The following KLHL33 variants were observed in gnomAD, a reference collection of about 807,000 sequenced individuals.
KLHL33 encodes kelch like family member 33.
Under a neutral mutation model 60.8 loss-of-function variants are expected in KLHL33, and 46 were observed. That is an observed-to-expected ratio of 0.76 (90% CI 0.60 to 0.97). The LOEUF is 0.97. Among genes scored for constraint, KLHL33 ranks in the 50% least tolerant of loss-of-function variants. The probability of loss-of-function intolerance (pLI) is 0.00; values close to 1 mark genes in which losing one functional copy is unlikely to be tolerated. For synonymous variants in KLHL33, 434 were observed against 432.2 expected, an observed-to-expected ratio of 1.00 and a Z score of -0.05; for missense variants, 1,055 against 1,000.0, an observed-to-expected ratio of 1.05 and a Z score of -0.74.
Position 20,427,564 on chromosome 14 carries a change from C to T in KLHL33, c.*1285G>A, listed in dbSNP as rs1368451532. ...CTTTAAGATCCAGTTCAAAATACAC[C>T]CATCGGATGACACCTTTCCTAACAG... On this transcript the variant is annotated 3_prime_UTR_variant, in exon 5 of 5. Coordinates refer to ENST00000636854, the MANE Select transcript of KLHL33 (RefSeq NM_001365790.2). The T allele has an allele frequency of 6.6e-6, 1 of 152,168 alleles. No individual in the cohort carries two copies. The highest frequency in any genetic ancestry group is 2.4e-5 in the African/African-American group (1 of 41,430). The allele number at this position is 152,168 out of a possible 1,614,324, so 9.4% of individuals were successfully genotyped here. A position where few individuals can be genotyped will look rare whatever the true frequency, so the allele number is the denominator to read the frequency against.
Position 20,430,343 on chromosome 14 carries a change from G to A in KLHL33, c.1125C>T (p.Phe375=). 1 of 1,551,940 alleles carries A rather than the reference G, an allele frequency of 6.4e-7. No homozygotes were observed. The highest frequency in any genetic ancestry group is 8.7e-7 in the Non-Finnish European group (1 of 1,147,044). ...HLPAVALCPA[F]PSLPAACLAE... is the part of the protein sequence containing the mutation. ...CCAAGCAGGCAGCTGGTAAAGAAGG[G>A]AAAGCAGGACACAAGGCTACAGCAG... Residue 375 remains phenylalanine (F), a synonymous_variant, in exon 3 of 5, where the codon TTC becomes TTT. Transcript: ENST00000636854.
At chr14:20,433,170 A>C (rs1295704277) in intron 2 of KLHL33, among the ~76,000 whole-genome samples, 1 of 152,272 alleles carries the variant, frequency 6.6e-6, no homozygotes, top group Non-Finnish European at 1.5e-5. Context: ...AGTAAAAAAT[A>C]AAATGAACAG....
intron 2 of KLHL33, among the ~76,000 whole-genome samples, chr14:20,432,922 A>AG (rs1880554030): frequency 3.7e-5 from 1 of 27,376 alleles, no homozygotes; most frequent in Admixed American, 4.2e-4. Flanking sequence ...ATTCCATCTC[A>AG]AAAAAAAGAA....
At position 20,431,312 on chromosome 14, in the gene KLHL33, G is replaced by A. The variant is rs537202602; in HGVS notation, c.749-593C>T. ...TCTTGCCTAAGATTTAGTGTTTAAT[G>A]TTTTCCGTGCGTCCCAGCTTTTCTC... On this transcript the variant is annotated intron_variant, in intron 2 of 4. Transcript: ENST00000636854. Among the ~76,000 whole-genome samples, 3 of 152,294 alleles carry A rather than the reference G, an allele frequency of 2.0e-5. No homozygotes were observed. In the South Asian group the frequency reaches 6.2e-4, roughly 32 times the overall value.
Position 20,430,562 on chromosome 14 carries a change from T to A in KLHL33, c.906A>T (p.Ala302=). The change falls in exon 3 of 5, where the codon GCA becomes GCT. Residue 302 remains alanine (A), a synonymous_variant. Coordinates refer to ENST00000636854, the MANE Select transcript of KLHL33 (RefSeq NM_001365790.2). ...CAGCTCTCAGTAGCCCTGGCCACCT[T>A]GCCCGCACAACTCCGGAGTAAGCAA... ...VSFAYSGVVR[A]RWPGLLRAAQ... is the part of the protein sequence containing the mutation. The A allele has an allele frequency of 3.9e-6, 6 of 1,540,102 alleles. No individual in the cohort carries two copies. Among genetic ancestry groups the A allele is most frequent in the Non-Finnish European group, 3.5e-6 (4 of 1,147,010 alleles).
At chr14:20,432,119 AT>A (rs11374995) in intron 2 of KLHL33, among the ~76,000 whole-genome samples, 19 of 148,080 alleles carry the variant, frequency 1.3e-4, no homozygotes, top group South Asian at 2.1e-4. Context: ...AGGATAACCA[AT>A]TTTTTTTTTT....
Position 20,429,132 on chromosome 14 carries a change from A to G in KLHL33, c.2111T>C (p.Leu704Pro). Residue 704 changes from leucine (L) to proline (P), a missense_variant, in exon 5 of 5, where the codon CTA becomes CCA. Physicochemically the swap from Leu to Pro is moderately conservative, Grantham distance 98. Transcript: ENST00000636854. Reference sequence around the variant, plus strand: ...CAGGTGAGTCCAGCTATCAGTCCTTAGTTCATAGGCCTCAAAGCTTAGCAG... The same window carrying G: ...CAGGTGAGTCCAGCTATCAGTCCTTGGTTCATAGGCCTCAAAGCTTAGCAG... ...EDLLSFEAYE[L>P]RTDSWTHLAP... The G allele has an allele frequency of 6.4e-7, 1 of 1,551,652 alleles. No individual in the cohort carries two copies. The highest frequency in any genetic ancestry group is 8.7e-7 in the Non-Finnish European group (1 of 1,146,978).
chr14:20,428,704 T>G lies in KLHL33; in HGVS notation c.*145A>C. 1.4e-6 allele frequency: 1 copy of G among 736,872 alleles called. No individual in the cohort carries two copies. The highest frequency in any genetic ancestry group is 2.0e-5 in the South Asian group (1 of 51,202). The allele number at this position is 736,872 out of a possible 1,614,324, so 45.6% of individuals were successfully genotyped here. ...GGAACCACCATTTCCTCAACGGAGA[T>G]CATACGTACAAAAGCAGTTTACAAT... On this transcript the variant is annotated 3_prime_UTR_variant, in exon 5 of 5. Coordinates refer to ENST00000636854, the MANE Select transcript of KLHL33 (RefSeq NM_001365790.2).
At chr14:20,434,961 G>C in intron 2 of KLHL33, 103 bp downstream of exon 2, 1 of 1,024,950 alleles carries the variant, frequency 9.8e-7, no homozygotes, top group Non-Finnish European at 1.3e-6. Flanking sequence ...GACAGCAGCA[G>C]GGATCAAAAC....
rs1156942528 is a variant in KLHL33 at position 20,429,903 on chromosome 14, G to A, written c.1565C>T (p.Ala522Val). Residue 522 changes from alanine (A) to valine (V), a missense_variant, in exon 3 of 5, where the codon GCC (alanine) becomes GTC (valine). Transcript: ENST00000636854. The part of the protein sequence containing the change: ...VEWGQLPALP[A>V]PGRFRHGAAS... The stretch of plus-strand genomic sequence containing the variant: ...AGCCCCATGCCGGAAGCGTCCGGGG[G>A]CAGGCAGGGCAGGCAGCTGCCCCCA... 35 of 1,551,674 alleles carry A rather than the reference G, an allele frequency of 2.3e-5. No individual in the cohort carries two copies. The Admixed American group carries it at 3.9e-4, about 17-fold the overall frequency.
At chr14:20,433,294 G>A (rs1392643612) in intron 2 of KLHL33, among the ~76,000 whole-genome samples, 1 of 152,202 alleles carries the variant, frequency 6.6e-6, no homozygotes, top group African/African-American at 2.4e-5. Flanking sequence ...AAGGTGGGGG[G>A]TAATGCTCCT....
rs1328721076 is a variant in KLHL33 at position 20,430,627 on chromosome 14, G to A, written c.841C>T (p.Arg281Trp). 1.0e-5 allele frequency: 16 copies of A among 1,535,658 alleles called. No individual in the cohort carries two copies. Among genetic ancestry groups the A allele is most frequent in the African/African-American group, 6.8e-5 (5 of 72,994 alleles). ...RESQGTEVSL[R>W]TISTQDLRLL... The stretch of plus-strand genomic sequence containing the variant: ...CGCAGGTCCTGGGTGGAGATCGTCC[G>A]CAGAGATACCTCTGTGCCCTGGGAT... Residue 281 changes from arginine to tryptophan, a missense_variant, in exon 3 of 5, where the codon CGG (arginine) becomes TGG (tryptophan). Coordinates refer to ENST00000636854, the MANE Select transcript of KLHL33 (RefSeq NM_001365790.2).
rs1230976869 is a variant in KLHL33 at position 20,426,139 on chromosome 14, G to T, written c.*2710C>A. On this transcript the variant is annotated 3_prime_UTR_variant, in exon 5 of 5. Transcript: ENST00000636854. ...GTACTTCTGGGGCCAGAATGAAGAA[G>T]GGTGCAAGGGAGACTCCATCATCAC... The T allele has an allele frequency of 1.3e-5, 2 of 152,104 alleles. No individual in the cohort carries two copies. The highest frequency in any genetic ancestry group is 2.9e-5 in the Non-Finnish European group (2 of 68,036). 9.4% of individuals were successfully genotyped at this position (152,104 alleles called of 1,614,324 possible). A position where few individuals can be genotyped will look rare whatever the true frequency, so the allele number is the denominator to read the frequency against.
Position 20,428,755 on chromosome 14 carries a change from C to G in KLHL33, c.*94G>C. The G allele has an allele frequency of 1.8e-6, 2 of 1,107,244 alleles. No homozygotes were observed. Among genetic ancestry groups the G allele is most frequent in the Middle Eastern group, 2.1e-4 (1 of 4,858 alleles). The allele number at this position is 1,107,244 out of a possible 1,614,324, so 68.6% of individuals were successfully genotyped here. On this transcript the variant is annotated 3_prime_UTR_variant, in exon 5 of 5. Coordinates refer to ENST00000636854, the MANE Select transcript of KLHL33 (RefSeq NM_001365790.2). ...GCACAGTGTGAGAATAAAATACTACCAAGAATAAAGCCTCTTTTCACTCCC... is the reference window on the plus strand; with the variant it reads ...GCACAGTGTGAGAATAAAATACTACGAAGAATAAAGCCTCTTTTCACTCCC...
chr14:20,432,984 A>AAGAAAGAG (rs1016426715), intron 2 of KLHL33, among the ~76,000 whole-genome samples: 3 of 151,490 alleles, frequency 2.0e-5, no homozygotes, highest in South Asian at 2.1e-4. Flanking sequence ...GAAAGAAAGA[A>AAGAAAGAG]AGAGAGAAAT....
intron 2 of KLHL33, among the ~76,000 whole-genome samples, chr14:20,432,202 C>T (rs1880529031): frequency 2.0e-5 from 3 of 151,872 alleles, no homozygotes; most frequent in Admixed American, 1.3e-4. Context: ...GCAACCTCCA[C>T]CCTCCAGCTT....
chr14:20,429,643 T>A lies in KLHL33; in HGVS notation c.1700A>T (p.Glu567Val), dbSNP rs1443636985. 6.4e-7 allele frequency: 1 copy of A among 1,551,634 alleles called. No individual in the cohort carries two copies. The highest frequency in any genetic ancestry group is 2.0e-5 in the Admixed American group (1 of 50,980). Residue 567 changes from glutamate (E) to valine (V), a missense_variant, in exon 4 of 5, where the codon GAG becomes GTG. Glu to Val is a moderately radical substitution (Grantham distance 121, BLOSUM62 -2). Coordinates refer to ENST00000636854, the MANE Select transcript of KLHL33 (RefSeq NM_001365790.2). ...LRWEPSQEDWEEMAPLSQARS... is the reference protein window; with the variant it reads ...LRWEPSQEDWVEMAPLSQARS... ...AGCCTGGGACAAAGGAGCCATCTCC[T>A]CCCAGTCCTCTTGACTGGGCTCCCA... is the stretch of plus-strand genomic sequence containing the variant.
At chr14:20,432,987 A>AAAGAAAGAAAGG (rs1566501943) in intron 2 of KLHL33, among the ~76,000 whole-genome samples, 2 of 151,866 alleles carry the variant, frequency 1.3e-5, no homozygotes, top group Non-Finnish European at 1.5e-5. Context: ...AGAAAGAAAG[A>AAAGAAAGAAAGG]GAGAAATTAC....
Position 20,426,997 on chromosome 14 carries a change from C to T in KLHL33, c.*1852G>A, listed in dbSNP as rs1880300738. The T allele has an allele frequency of 7.9e-6, 1 of 126,684 alleles. No homozygotes were observed. The highest frequency in any genetic ancestry group is 1.1e-4 in the Admixed American group (1 of 9,508). The allele number at this position is 126,684 out of a possible 1,614,324, so 7.8% of individuals were successfully genotyped here. A position where few individuals can be genotyped will look rare whatever the true frequency, so the allele number is the denominator to read the frequency against. The stretch of plus-strand genomic sequence containing the variant: ...GAATTGAACAATGAGAACACGTGGA[C>T]ACAGGAAGGGGAACATCACACTCTG... On this transcript the variant is annotated 3_prime_UTR_variant, in exon 5 of 5. Coordinates refer to ENST00000636854, the MANE Select transcript of KLHL33 (RefSeq NM_001365790.2).
Sources: gnomAD v4.1 joint callset for allele counts (sites outside exome capture counted in the v4.1 genomes callset) on GRCh38, gnomAD v4.1.1 for gene constraint, MANE v1.5 for transcripts, NCBI Gene and HGNC (gene_info 2026-07-23, HGNC 2026-07-21) for gene names.